Variants in SRPK2 observed in about 807,000 individuals in gnomAD.
SRPK2 encodes the protein SFRS protein kinase 2.
In SRPK2, 21 loss-of-function variants were observed where a neutral mutation model predicts 90.8. The ratio of observed to expected loss-of-function variants is 0.23; its 90% CI spans 0.16 to 0.33. The LOEUF (loss-of-function observed/expected upper bound fraction) is 0.33, where lower values mean the gene tolerates loss of function less well. Ranked by LOEUF, SRPK2 falls within the 10% of genes least tolerant of loss-of-function variation. SRPK2 has a pLI of 1.00. For missense variants in SRPK2, 620 were observed against 869.0 expected (o/e 0.71, Z 3.60); for synonymous variants, 288 against 311.1 (o/e 0.93, Z 0.78).
intron 2 of SRPK2, among the ~76,000 whole-genome samples, chr7:105,372,496 C>G (rs1015246938): frequency 1.1e-4 from 16 of 152,134 alleles, no homozygotes; most frequent in African/African-American, 3.6e-4. Context: ...ATAATACAAA[C>G]TATGAAAGGT....
chr7:105,341,056 A>G (rs1035244469), intron 2 of SRPK2, among the ~76,000 whole-genome samples: 2 of 152,268 alleles, frequency 1.3e-5, no homozygotes, highest in African/African-American at 4.8e-5. Flanking sequence ...CTCACGCAGG[A>G]TATGGCCAGA....
chr7:105,302,051 C>T, intron 2 of SRPK2: 1 of 1,556,816 alleles, frequency 6.4e-7, no homozygotes. Flanking sequence ...TGTTGTGAAG[C>T]ATTTAAGCAA....
At chr7:105,146,223 C>G (rs1423285974) in intron 8 of SRPK2, among the ~76,000 whole-genome samples, 1 of 152,186 alleles carries the variant, frequency 6.6e-6, no homozygotes, top group African/African-American at 2.4e-5. Flanking sequence ...TGCAGAGAAG[C>G]TGGCAACAGA....
At chr7:105,254,555 TAAG>T (rs975459679) in intron 2 of SRPK2, among the ~76,000 whole-genome samples, 10 of 152,218 alleles carry the variant, frequency 6.6e-5, no homozygotes, top group Admixed American at 3.3e-4. Context: ...TTTAATAACA[TAAG>T]AAAATTTGCA....
At chr7:105,202,436 T>G (rs1176216668) in intron 3 of SRPK2, among the ~76,000 whole-genome samples, 2 of 152,192 alleles carry the variant, frequency 1.3e-5, no homozygotes, top group African/African-American at 2.4e-5. Flanking sequence ...TCTCACCAAC[T>G]TTGGCTCAGG....
At chr7:105,259,271 C>A (rs1017890754) in intron 2 of SRPK2, among the ~76,000 whole-genome samples, 2 of 152,170 alleles carry the variant, frequency 1.3e-5, no homozygotes, top group Admixed American at 6.5e-5. Flanking sequence ...CATGAGTGAA[C>A]TCCCATTCAC....
intron 2 of SRPK2, among the ~76,000 whole-genome samples, chr7:105,373,377 C>CAA (rs34073549): frequency 3.1e-4 from 43 of 137,144 alleles, no homozygotes; most frequent in South Asian, 4.6e-4. Flanking sequence ...TACTTTGCCA[C>CAA]AAAAAAAAAA....
At chr7:105,327,493 C>T (rs973291423) in intron 2 of SRPK2, among the ~76,000 whole-genome samples, 6 of 152,188 alleles carry the variant, frequency 3.9e-5, no homozygotes, top group Non-Finnish European at 5.9e-5. Flanking sequence ...TGGCCAGCAT[C>T]CTGACCTCTC....
At chr7:105,291,738 G>A (rs974030232) in intron 2 of SRPK2, among the ~76,000 whole-genome samples, 2 of 151,766 alleles carry the variant, frequency 1.3e-5, no homozygotes, top group African/African-American at 2.4e-5. Context: ...TCAGGGGGAG[G>A]GGGTCTCAAA....
chr7:105,213,443 G>GTT (rs1797090529), intron 2 of SRPK2, among the ~76,000 whole-genome samples: 1 of 152,292 alleles, frequency 6.6e-6, no homozygotes, highest in East Asian at 1.9e-4. Context: ...TTCCAAGCAT[G>GTT]TAAGAGTGCT....
chr7:105,198,890 A>T (rs1024239918), intron 3 of SRPK2, among the ~76,000 whole-genome samples: 2 of 152,226 alleles, frequency 1.3e-5, no homozygotes, highest in African/African-American at 4.8e-5. Flanking sequence ...CAGGTTTTGA[A>T]CCAAGGCTCA....
chr7:105,359,150 C>CTTTTTTTTTTTTTT (rs35765090), intron 2 of SRPK2, among the ~76,000 whole-genome samples: 1 of 54,830 alleles, frequency 1.8e-5, no homozygotes, highest in East Asian at 6.9e-4. Context: ...CAAACCACAG[C>CTTTTTTTTTTTTTT]TTTTTTTTTT....
chr7:105,322,220 G>T (rs571057664), intron 2 of SRPK2, among the ~76,000 whole-genome samples: 1 of 152,150 alleles, frequency 6.6e-6, no homozygotes, highest in African/African-American at 2.4e-5. Context: ...TTGGAGACCC[G>T]CCTGGCCAAC....
In SRPK2 at chr7:105,124,156, G is replaced by C. The variant is rs138092934; in HGVS notation, c.1915+2092C>G. Among the ~76,000 whole-genome samples, 10 of 152,240 alleles carry C rather than the reference G, an allele frequency of 6.6e-5. No homozygotes were observed. The East Asian group carries it at 1.9e-3, about 29-fold the overall frequency. ...CTCTCACTGAAAGGAACCATCACAG[G>C]AGTGACAGCCCAAGAGCAGATGCCT... On this transcript the variant is annotated intron_variant, in intron 15 of 15. Transcript: ENST00000393651.
intron 15 of SRPK2, among the ~76,000 whole-genome samples, chr7:105,120,478 C>G (rs1800178724): frequency 6.6e-6 from 1 of 152,110 alleles, no homozygotes; most frequent in South Asian, 2.1e-4. Flanking sequence ...ACTAGGCATA[C>G]TATAAACTGG....
At position 105,183,782 on chromosome 7, in the gene SRPK2, G is replaced by A. The variant is rs941623164; in HGVS notation, c.230-14517C>T. ...TAGGGTTACAGGTGTGAGCCACCAC[G>A]CCCTGCGTGGCTGTTTTTAAGAGGC... On this transcript the variant is annotated intron_variant, in intron 3 of 15. Transcript: ENST00000393651. Among the ~76,000 whole-genome samples, 33 of 151,770 alleles carry A rather than the reference G, an allele frequency of 2.2e-4. 1 individual carries two copies. Among genetic ancestry groups the A allele is most frequent in the Admixed American group, 8.5e-4 (13 of 15,246 alleles).
intron 3 of SRPK2, among the ~76,000 whole-genome samples, chr7:105,180,071 G>T (rs140667455): frequency 6.6e-6 from 1 of 152,054 alleles, no homozygotes; most frequent in Admixed American, 6.6e-5. Flanking sequence ...CACAGAATTA[G>T]AAAGATCTTA....
intron 2 of SRPK2, among the ~76,000 whole-genome samples, chr7:105,321,822 G>A (rs188057805): frequency 6.6e-6 from 1 of 152,184 alleles, no homozygotes; most frequent in East Asian, 1.9e-4. Context: ...AATATGTGGA[G>A]AAATTGAAAT....
chr7:105,124,656 A>AAAAAAAAAAAAAAAAC (rs1800900394), intron 15 of SRPK2, among the ~76,000 whole-genome samples: 1 of 150,858 alleles, frequency 6.6e-6, no homozygotes, highest in African/African-American at 2.4e-5. Flanking sequence ...AAAAAAAAAA[A>AAAAAAAAAAAAAAAAC]AAATCAATGT....
Sources: gnomAD v4.1 joint callset for allele counts (sites outside exome capture counted in the v4.1 genomes callset) on GRCh38, gnomAD v4.1.1 for gene constraint, MANE v1.5 for transcripts, NCBI Gene and HGNC (gene_info 2026-07-23, HGNC 2026-07-21) for gene names.